Variants in ITGBL1 observed in about 807,000 individuals in gnomAD.
ITGBL1 encodes integrin beta-like protein 1.
In ITGBL1, 51 loss-of-function variants were observed where a neutral mutation model predicts 68.5. The ratio of observed to expected loss-of-function variants is 0.74; its 90% CI spans 0.59 to 0.94. The LOEUF (loss-of-function observed/expected upper bound fraction) is 0.94. ITGBL1 is among the 40% of genes least tolerant of loss of function. ITGBL1 has a pLI of 0.00. For missense variants in ITGBL1, 649 were observed against 647.4 expected (o/e 1.00, Z -0.03); for synonymous variants, 209 against 227.3 (o/e 0.92, Z 0.72).
chr13:101,629,518 G>A (rs2031904358), intron 7 of ITGBL1, among the ~76,000 whole-genome samples: 1 of 151,696 alleles, frequency 6.6e-6, no homozygotes, highest in Non-Finnish European at 1.5e-5. Flanking sequence ...TTATATCAAG[G>A]TCTCAAATTT....
intron 7 of ITGBL1, among the ~76,000 whole-genome samples, chr13:101,613,006 C>T (rs1278588091): frequency 6.6e-6 from 1 of 152,120 alleles, no homozygotes; most frequent in African/African-American, 2.4e-5. Context: ...GGCTGCATGA[C>T]ACCCTCATAG....
rs540680174 is a variant in ITGBL1 at position 101,638,730 on chromosome 13, C to T, written c.1015+40431C>T. ...ACCCCCATGATTCAATTATCTCCCA[C>T]TGGGTCCCTCCCACAACACATGGGA... On this transcript the variant is annotated intron_variant, in intron 7 of 10. Transcript: ENST00000376180. Among the ~76,000 whole-genome samples, 13 of 152,308 alleles carry T rather than the reference C, an allele frequency of 8.5e-5. 1 individual carries two copies. In the South Asian group the frequency reaches 2.7e-3, roughly 32 times the overall value.
intron 2 of ITGBL1, among the ~76,000 whole-genome samples, chr13:101,530,901 C>A (rs765720952): frequency 6.6e-6 from 1 of 152,146 alleles, no homozygotes; most frequent in Non-Finnish European, 1.5e-5. Context: ...GGGCAAACCA[C>A]ATTTACTTAG....
At chr13:101,469,102 T>G (rs1394524759) in intron 2 of ITGBL1, among the ~76,000 whole-genome samples, 1 of 152,262 alleles carries the variant, frequency 6.6e-6, no homozygotes, top group Admixed American at 6.5e-5. Flanking sequence ...CTTATAACAT[T>G]ACATTTCATA....
intron 7 of ITGBL1, among the ~76,000 whole-genome samples, chr13:101,624,992 T>A (rs2031721024): frequency 6.6e-6 from 1 of 152,220 alleles, no homozygotes; most frequent in African/African-American, 2.4e-5. Context: ...GAGATAATGC[T>A]TCTGAAACAG....
rs1295490668 is a variant in ITGBL1, at chr13:101,455,574, G to A, written c.316+1474G>A. 2.6e-5 allele frequency among the ~76,000 whole-genome samples: 4 copies of A among 152,314 alleles called. No homozygotes were observed. The East Asian group carries it at 7.7e-4, about 29-fold the overall frequency. On this transcript the variant is annotated intron_variant, in intron 2 of 10. Coordinates refer to ENST00000376180, the MANE Select transcript of ITGBL1 (RefSeq NM_004791.3). ...CCCAGCTACTTGGGAGGCCGAGGCAGAATTGCTTGAACCTGGGAGGCAGAG... is the reference window on the plus strand; with the variant it reads ...CCCAGCTACTTGGGAGGCCGAGGCAAAATTGCTTGAACCTGGGAGGCAGAG...
chr13:101,540,221 A>G (rs1329801661), intron 2 of ITGBL1, among the ~76,000 whole-genome samples: 1 of 152,164 alleles, frequency 6.6e-6, no homozygotes, highest in Non-Finnish European at 1.5e-5. Context: ...TCTTGAATTA[A>G]TTTTTGTATA....
chr13:101,577,113 C>T (rs1201478178), intron 4 of ITGBL1, among the ~76,000 whole-genome samples: 3 of 152,102 alleles, frequency 2.0e-5, no homozygotes, highest in African/African-American at 7.2e-5. Flanking sequence ...TTGTTATTTC[C>T]ATTTGTTTGA....
At chr13:101,605,743 T>C (rs563598279) in intron 7 of ITGBL1, among the ~76,000 whole-genome samples, 34 of 151,102 alleles carry the variant, frequency 2.3e-4, no homozygotes, top group African/African-American at 8.2e-4. Context: ...TGTAGACATA[T>C]GTATGTGCGT....
chr13:101,458,503 G>A (rs117757664), intron 2 of ITGBL1, among the ~76,000 whole-genome samples: 303 of 152,302 alleles, frequency 2.0e-3, no homozygotes, highest in Admixed American at 4.7e-3. Flanking sequence ...CAGCATATAA[G>A]AGCTATTAAG....
At chr13:101,688,910 TTA>T (rs1297853449) in intron 7 of ITGBL1, among the ~76,000 whole-genome samples, 1 of 152,000 alleles carries the variant, frequency 6.6e-6, no homozygotes, top group Non-Finnish European at 1.5e-5. Context: ...ATTCAAAACA[TTA>T]TGATTGCCGG....
At chr13:101,477,277 A>T (rs1258419987) in intron 2 of ITGBL1, among the ~76,000 whole-genome samples, 2 of 152,092 alleles carry the variant, frequency 1.3e-5, no homozygotes, top group African/African-American at 2.4e-5. Flanking sequence ...AAATAAATTT[A>T]AAAATTTCTT....
intron 7 of ITGBL1, among the ~76,000 whole-genome samples, chr13:101,612,365 T>G (rs1369569719): frequency 6.6e-6 from 1 of 152,166 alleles, no homozygotes; most frequent in Non-Finnish European, 1.5e-5. Flanking sequence ...AGCCCTGTAT[T>G]GTATAATAGT....
At chr13:101,593,249 T>TA (rs56261424) in intron 6 of ITGBL1, among the ~76,000 whole-genome samples, 3 of 151,174 alleles carry the variant, frequency 2.0e-5, no homozygotes, top group Non-Finnish European at 4.4e-5. Flanking sequence ...AGAATTATAA[T>TA]AAAAAAAGAC....
chr13:101,537,000 T>C (rs2139174227), intron 2 of ITGBL1, among the ~76,000 whole-genome samples: 1 of 152,080 alleles, frequency 6.6e-6, no homozygotes, highest in East Asian at 1.9e-4. Context: ...GATGAAAACT[T>C]ATCTACATTT....
chr13:101,499,657 C>T lies in ITGBL1; in HGVS notation c.316+45557C>T, dbSNP rs12876557. On this transcript the variant is annotated intron_variant, in intron 2 of 10. Coordinates refer to ENST00000376180, the MANE Select transcript of ITGBL1 (RefSeq NM_004791.3). ...ATAAATGCCTCATGCTTCCCCTGTC[C>T]CTTTAGTGTGAGTCACATAGAAGAC... Among the ~76,000 whole-genome samples, 430 of 152,254 alleles carry T rather than the reference C, an allele frequency of 2.8e-3. 2 individuals are homozygous for T. Among genetic ancestry groups the T allele is most frequent in the Non-Finnish European group, 4.0e-3 (270 of 68,026 alleles).
chr13:101,605,962 A>G (rs1029560323), intron 7 of ITGBL1, among the ~76,000 whole-genome samples: 1 of 147,490 alleles, frequency 6.8e-6, no homozygotes, highest in Non-Finnish European at 1.5e-5. Context: ...ACACATATAC[A>G]CATATATATG....
chr13:101,485,426 CAT>C (rs200520060), intron 2 of ITGBL1, among the ~76,000 whole-genome samples: 2,670 of 152,174 alleles, frequency 0.018, 33 homozygotes, highest in Non-Finnish European at 0.028. Context: ...AGCTAACAAA[CAT>C]ATGAAAAAAT....
intron 7 of ITGBL1, among the ~76,000 whole-genome samples, chr13:101,655,523 T>C (rs1213327097): frequency 6.6e-6 from 1 of 152,248 alleles, no homozygotes; most frequent in African/African-American, 2.4e-5. Context: ...CAACCTGGTG[T>C]GAAAGAAAAG....
Sources: gnomAD v4.1 joint callset for allele counts (sites outside exome capture counted in the v4.1 genomes callset) on GRCh38, gnomAD v4.1.1 for gene constraint, MANE v1.5 for transcripts, NCBI Gene and HGNC (gene_info 2026-07-23, HGNC 2026-07-21) for gene names.